TSPAN15: variants seen among roughly 807,000 people sequenced by gnomAD.
The protein encoded by TSPAN15 is tetraspanin 15.
A neutral mutation model predicts 34.5 loss-of-function variants in TSPAN15; 20 were observed. The observed-to-expected ratio is 0.58, with a 90% CI of 0.41 to 0.84. The LOEUF (loss-of-function observed/expected upper bound fraction) is 0.84. Among genes scored for constraint, TSPAN15 ranks in the 40% least tolerant of loss-of-function variants. The probability of loss-of-function intolerance (pLI) is 0.00; values close to 1 mark genes in which losing one functional copy is unlikely to be tolerated. For missense variants in TSPAN15, 313 were observed against 386.1 expected (o/e 0.81, Z 1.59); for synonymous variants, 155 against 153.9 (o/e 1.01, Z -0.05).
the TSPAN15 span, among the ~76,000 whole-genome samples, chr10:69,529,789 C>G: frequency 6.8e-6 from 1 of 147,436 alleles, no homozygotes; most frequent in African/African-American, 2.5e-5. Context: ...GTGCACCCAT[C>G]ATACAAACAG....
chr10:69,477,060 G>A (rs983503051), intron 1 of TSPAN15, among the ~76,000 whole-genome samples: 3 of 152,140 alleles, frequency 2.0e-5, no homozygotes, highest in Non-Finnish European at 2.9e-5. Context: ...TGGGAGAGAA[G>A]ACTGTTTTCT....
At chr10:69,536,084 G>A in the TSPAN15 span, among the ~76,000 whole-genome samples, 1 of 152,218 alleles carries the variant, frequency 6.6e-6, no homozygotes, top group African/African-American at 2.4e-5. Flanking sequence ...GATTGAGGAA[G>A]CCACCTTTTT....
chr10:69,541,411 C>G, the TSPAN15 span, among the ~76,000 whole-genome samples: 1 of 152,108 alleles, frequency 6.6e-6, no homozygotes, highest in African/African-American at 2.4e-5. Flanking sequence ...GTAAATACAC[C>G]CATTCCAAAT....
Position 69,474,437 on chromosome 10 carries a change from G to T in TSPAN15, c.97-9254G>T, listed in dbSNP as rs190604625. Among the ~76,000 whole-genome samples the T allele has an allele frequency of 2.1e-3, 316 of 152,290 alleles. 1 individual carries two copies. The highest frequency in any genetic ancestry group is 7.1e-3 in the African/African-American group (295 of 41,556). ...AAGGCTGCCAGGACCTTGGACTGGA[G>T]GCTGTTGTATAGGACAAAGACCTCC... On this transcript the variant is annotated intron_variant, in intron 1 of 7. Transcript: ENST00000373290.
the TSPAN15 span, among the ~76,000 whole-genome samples, chr10:69,538,379 G>T: frequency 6.6e-6 from 1 of 152,208 alleles, no homozygotes; most frequent in African/African-American, 2.4e-5. Flanking sequence ...TGGCACCTCT[G>T]ATATACAAAG....
chr10:69,513,461 C>G, the TSPAN15 span, among the ~76,000 whole-genome samples: 2 of 152,156 alleles, frequency 1.3e-5, no homozygotes, highest in Non-Finnish European at 2.9e-5. Context: ...CCCACCTCAG[C>G]CTCCTAAAGT....
rs147589466 is a variant in TSPAN15 at position 69,462,600 on chromosome 10, G to A, written c.96+10910G>A. ...TCCGCCCGCCTCGGCCTCCCAAAGT[G>A]CTGGGATTACAGGCATGAGCCACCG... On this transcript the variant is annotated intron_variant, in intron 1 of 7. Coordinates refer to ENST00000373290, the MANE Select transcript of TSPAN15 (RefSeq NM_012339.5). Among the ~76,000 whole-genome samples the A allele has an allele frequency of 1.9e-4, 29 of 152,326 alleles. No individual in the cohort carries two copies. In the East Asian group the frequency reaches 5.4e-3, roughly 28 times the overall value.
downstream of TSPAN15, among the ~76,000 whole-genome samples, chr10:69,512,232 C>T (rs368912882): frequency 6.6e-5 from 10 of 152,262 alleles, no homozygotes; most frequent in Non-Finnish European, 1.5e-4. Context: ...AGGATGGAAC[C>T]ATAAATGAGT....
At chr10:69,521,276 G>A in the TSPAN15 span, among the ~76,000 whole-genome samples, 5 of 151,320 alleles carry the variant, frequency 3.3e-5, no homozygotes, top group Admixed American at 2.7e-4. Context: ...TTGGGAGGCT[G>A]AGGCAGGCAG....
At chr10:69,479,192 G>A (rs796878283) in intron 1 of TSPAN15, among the ~76,000 whole-genome samples, 3 of 152,348 alleles carry the variant, frequency 2.0e-5, no homozygotes, top group Admixed American at 6.5e-5. Context: ...GGCCTTGCAG[G>A]TCCTCGTTAA....
At chr10:69,525,190 T>C in the TSPAN15 span, among the ~76,000 whole-genome samples, 1 of 147,730 alleles carries the variant, frequency 6.8e-6, no homozygotes, top group Admixed American at 7.0e-5. Flanking sequence ...AGTGCTGGGA[T>C]TACAGGCATG....
the TSPAN15 span, among the ~76,000 whole-genome samples, chr10:69,514,921 G>A: frequency 2.6e-5 from 4 of 152,206 alleles, no homozygotes; most frequent in African/African-American, 7.2e-5. Context: ...TGCTTTGAAA[G>A]TGTCTGTCCT....
intron 4 of TSPAN15, among the ~76,000 whole-genome samples, chr10:69,497,408 C>T (rs1451529373): frequency 6.6e-6 from 1 of 152,216 alleles, no homozygotes; most frequent in Non-Finnish European, 1.5e-5. Context: ...GGCCTCCGCA[C>T]CTGCTGCTGA....
chr10:69,460,521 G>T (rs1189536777), intron 1 of TSPAN15, among the ~76,000 whole-genome samples: 1 of 152,010 alleles, frequency 6.6e-6, no homozygotes, highest in African/African-American at 2.4e-5. Flanking sequence ...CAGGAACTAA[G>T]GGGTGGGAAG....
At chr10:69,517,411 A>T in the TSPAN15 span, among the ~76,000 whole-genome samples, 1 of 152,212 alleles carries the variant, frequency 6.6e-6, no homozygotes, top group African/African-American at 2.4e-5. Flanking sequence ...CGGCCCCCTG[A>T]AGGAGGTTTT....
chr10:69,466,387 C>T (rs994486415), intron 1 of TSPAN15, among the ~76,000 whole-genome samples: 14 of 152,190 alleles, frequency 9.2e-5, no homozygotes, highest in South Asian at 4.1e-4. Flanking sequence ...AGCATCCCCC[C>T]GCTGATTCCT....
chr10:69,504,305 G>T (rs1004993579), intron 5 of TSPAN15, 133 bp from the exon 6 acceptor site: 1 of 716,356 alleles, frequency 1.4e-6, no homozygotes, highest in East Asian at 3.0e-5. Flanking sequence ...TGCCTGGGTC[G>T]GAATCTCAGC....
At chr10:69,535,528 C>T in the TSPAN15 span, among the ~76,000 whole-genome samples, 2 of 152,184 alleles carry the variant, frequency 1.3e-5, no homozygotes, top group African/African-American at 4.8e-5. Flanking sequence ...AGCATTTATG[C>T]CACTTCTCTT....
chr10:69,493,470 C>CTT (rs5785919), intron 3 of TSPAN15, among the ~76,000 whole-genome samples: 11,807 of 118,756 alleles, frequency 0.099, 1,370 homozygotes, highest in African/African-American at 0.24. Flanking sequence ...AGCCCATCTC[C>CTT]TTTTTTTTTT....
Sources: allele counts gnomAD v4.1 joint callset (sites outside exome capture counted in the v4.1 genomes callset), GRCh38; gene constraint gnomAD v4.1.1; transcripts MANE v1.5; gene names NCBI Gene and HGNC (gene_info 2026-07-23, HGNC 2026-07-21).